PPIP5K2: variants seen among roughly 807,000 people sequenced by gnomAD.
PPIP5K2 encodes the protein diphosphoinositol pentakisphosphate kinase 2.
PPIP5K2 carries 105 observed loss-of-function variants against 154.6 expected under a neutral mutation model. The observed-to-expected ratio is 0.68, with a 90% CI of 0.58 to 0.80. PPIP5K2 has a LOEUF of 0.80. PPIP5K2 is among the 30% of genes least tolerant of loss of function. The pLI, the probability that PPIP5K2 is intolerant of heterozygous loss-of-function variation, is 0.00. For missense variants in PPIP5K2, 992 were observed against 1,504.6 expected, an observed-to-expected ratio of 0.66 and a Z score of 5.64; for synonymous variants, 480 against 490.3, an observed-to-expected ratio of 0.98 and a Z score of 0.28.
chr5:103,141,690 C>T (rs1051500247), intron 5 of PPIP5K2, among the ~76,000 whole-genome samples: 1 of 151,898 alleles, frequency 6.6e-6, no homozygotes, highest in Non-Finnish European at 1.5e-5. Context: ...TGCAGAGTGT[C>T]GATTGGTGCA....
Position 103,129,606 on chromosome 5 carries a change from G to A in PPIP5K2, c.17G>A (p.Arg6Lys). 1 of 1,599,272 alleles carries A rather than the reference G, an allele frequency of 6.3e-7. No homozygotes were observed. The highest frequency in any genetic ancestry group is 8.5e-7 in the Non-Finnish European group (1 of 1,176,150). MSEAP[R>K]FFVGPEDTEI... is the part of the protein sequence containing the mutation. ...AAAATAAAAATGAGTGAAGCCCCCA[G>A]ATTCTTCGTTGGACCAGAAGATACA... The change falls in exon 2 of 31, where the codon AGA (arginine) becomes AAA (lysine). Residue 6 changes from arginine (R) to lysine (K), a missense_variant. Physicochemically the swap from Arg to Lys is conservative, Grantham distance 26. This residue lies in a region of PPIP5K2 where 153 missense variants were observed against 200.4 expected (regional missense o/e 0.76). Coordinates refer to ENST00000358359, the MANE Select transcript of PPIP5K2 (RefSeq NM_001276277.3).
chr5:103,184,840 A>T, intron 26 of PPIP5K2, 96 bp downstream of exon 26: 4 of 847,946 alleles, frequency 4.7e-6, no homozygotes, highest in South Asian at 3.5e-5. Flanking sequence ...ACCAAATGCT[A>T]TGCTGTAGTT....
intron 1 of PPIP5K2, among the ~76,000 whole-genome samples, chr5:103,125,477 C>T (rs1789506639): frequency 6.7e-6 from 1 of 149,082 alleles, no homozygotes; most frequent in Non-Finnish European, 1.5e-5. Context: ...TTTTATATGA[C>T]ATCTCTAAGT....
intron 2 of PPIP5K2, among the ~76,000 whole-genome samples, chr5:103,133,124 A>G (rs2149470369): frequency 6.6e-6 from 1 of 152,356 alleles, no homozygotes; most frequent in Middle Eastern, 3.4e-3. Context: ...GACTGTTATT[A>G]TACTTTACTG....
chr5:103,194,845 AAG>A, intron 29 of PPIP5K2, 53 bp from the exon 30 acceptor site: 1 of 1,556,010 alleles, frequency 6.4e-7, no homozygotes, highest in Non-Finnish European at 8.8e-7. Flanking sequence ...CTATGATGTT[AAG>A]AGATAATTGG....
At chr5:103,139,670 C>T (rs181725705) in intron 5 of PPIP5K2, among the ~76,000 whole-genome samples, 16 of 152,194 alleles carry the variant, frequency 1.1e-4, no homozygotes, top group Admixed American at 8.5e-4. Flanking sequence ...GTGACCTCAC[C>T]AAACAAACTA....
chr5:103,164,489 C>T (rs1796833383), intron 17 of PPIP5K2, among the ~76,000 whole-genome samples: 1 of 151,984 alleles, frequency 6.6e-6, no homozygotes, highest in Non-Finnish European at 1.5e-5. Context: ...ACAAAATGTG[C>T]ACCCTAGGCC....
At position 103,165,684 on chromosome 5, in the gene PPIP5K2, G is replaced by A. The variant is rs1053923336; in HGVS notation, c.1921-1495G>A. On this transcript the variant is annotated intron_variant, in intron 17 of 30. Transcript: ENST00000358359. ...AAAAAGTTTATAGGAACAGTTTCCC[G>A]AAGAAATCAGCAGTATACAAATGGA... Among the ~76,000 whole-genome samples the A allele has an allele frequency of 2.0e-5, 3 of 152,042 alleles. No homozygotes were observed. The East Asian group carries it at 5.8e-4, about 29-fold the overall frequency.
intron 30 of PPIP5K2, among the ~76,000 whole-genome samples, chr5:103,198,281 T>C (rs543861994): frequency 3.3e-5 from 5 of 152,250 alleles, no homozygotes; most frequent in South Asian, 4.1e-4. Context: ...GTGGGACTTA[T>C]GGCTTAACAT....
intron 1 of PPIP5K2, among the ~76,000 whole-genome samples, chr5:103,123,197 C>T (rs1789068372): frequency 6.6e-6 from 1 of 152,182 alleles, no homozygotes; most frequent in South Asian, 2.1e-4. Context: ...GTGCTATTTG[C>T]TGTGGCATCT....
chr5:103,195,666 A>G (rs1167780001), intron 30 of PPIP5K2, among the ~76,000 whole-genome samples: 1 of 152,034 alleles, frequency 6.6e-6, no homozygotes, highest in Admixed American at 6.6e-5. Flanking sequence ...TTATTCCTCT[A>G]CTTTTCTTGT....
chr5:103,149,397 A>T, intron 8 of PPIP5K2, 84 bp downstream of exon 8: 2 of 1,299,364 alleles, frequency 1.5e-6, no homozygotes, highest in South Asian at 3.3e-5. Flanking sequence ...GGTGCTTATA[A>T]TTGGAGAAGT....
At chr5:103,143,869 T>A (rs556427670) in intron 5 of PPIP5K2, among the ~76,000 whole-genome samples, 2 of 152,076 alleles carry the variant, frequency 1.3e-5, no homozygotes, top group South Asian at 4.1e-4. Flanking sequence ...CCTCTAAGAA[T>A]TGGAACAAGA....
intron 26 of PPIP5K2, among the ~76,000 whole-genome samples, 181 bp downstream of exon 26, chr5:103,184,925 G>A (rs1407408179): frequency 6.6e-6 from 1 of 152,144 alleles, no homozygotes; most frequent in Non-Finnish European, 1.5e-5. Flanking sequence ...ATGAAGAAGA[G>A]ATAGCATTTA....
At chr5:103,122,147 A>G (rs782615284) in intron 1 of PPIP5K2, among the ~76,000 whole-genome samples, 4 of 152,244 alleles carry the variant, frequency 2.6e-5, no homozygotes, top group Non-Finnish European at 4.4e-5. Context: ...AATTGTGAGT[A>G]TAATGGTGGG....
rs782306162 is a variant in PPIP5K2, at chr5:103,138,416, G to A, written c.434G>A (p.Gly145Asp). 2 of 1,604,656 alleles carry A rather than the reference G, an allele frequency of 1.2e-6. No homozygotes were observed. The highest frequency in any genetic ancestry group is 2.2e-5 in the East Asian group (1 of 44,518). ...REVYSILQAE[G>D]ILLPRYAILN... ...GTATATAGTATTCTTCAAGCTGAAG[G>A]TATTTTACTTCCTCGTTATGCTATT... The change falls in exon 5 of 31, where the codon GGT becomes GAT. Residue 145 changes from glycine (G) to aspartate (D), a missense_variant. Coordinates refer to ENST00000358359, the MANE Select transcript of PPIP5K2 (RefSeq NM_001276277.3).
chr5:103,146,087 G>A (rs1229424521), intron 5 of PPIP5K2, among the ~76,000 whole-genome samples: 5 of 152,092 alleles, frequency 3.3e-5, no homozygotes, highest in African/African-American at 1.2e-4. Context: ...AACTTTTCTT[G>A]TCTAGAGGTA....
At chr5:103,128,316 T>A (rs192891704) in intron 1 of PPIP5K2, among the ~76,000 whole-genome samples, 1 of 152,308 alleles carries the variant, frequency 6.6e-6, no homozygotes, top group Non-Finnish European at 1.5e-5. Context: ...AATTTTAATA[T>A]GACCAGGAAG....
rs930835730 is a variant in PPIP5K2 at position 103,120,303 on chromosome 5, A to G, written c.-470A>G. 72 of 401,718 alleles carry G rather than the reference A, an allele frequency of 1.8e-4. No individual in the cohort carries two copies. The highest frequency in any genetic ancestry group is 8.0e-4 in the African/African-American group (39 of 48,864). The allele number at this position is 401,718 out of a possible 1,614,324, so 24.9% of individuals were successfully genotyped here. On this transcript the variant is annotated 5_prime_UTR_variant, in exon 1 of 31. Transcript: ENST00000358359. ...GGCGTGACGGAGATTCCTGAGGTGT[A>G]GTAGCCTGAGGTTCCCTTATGTGGC... is the stretch of plus-strand genomic sequence containing the variant.
Sources: gnomAD v4.1 joint callset for allele counts (sites outside exome capture counted in the v4.1 genomes callset) on GRCh38, gnomAD v4.1.1 for gene constraint, gnomAD v4.1.1 regional missense constraint, MANE v1.5 for transcripts, NCBI Gene and HGNC (gene_info 2026-07-23, HGNC 2026-07-21) for gene names.